DNMT3A: variants seen among roughly 807,000 people sequenced by gnomAD.
The protein encoded by DNMT3A is DNA (cytosine-5)-methyltransferase 3A.
DNMT3A carries 267 observed loss-of-function variants against 117.6 expected under a neutral mutation model. That is an observed-to-expected ratio of 2.27 (90% CI 2.05 to 2.51). DNMT3A has a LOEUF of 2.51. Among genes scored for constraint, DNMT3A ranks in the 30% most tolerant of loss-of-function variants. The pLI is 0.00. For synonymous variants in DNMT3A, 432 were observed against 474.8 expected (o/e 0.91, Z 1.17); for missense variants, 1,029 against 1,260.2 (o/e 0.82, Z 2.78).
At chr2:25,320,664 A>G (rs963945364) in intron 1 of DNMT3A, among the ~76,000 whole-genome samples, 4 of 152,186 alleles carry the variant, frequency 2.6e-5, no homozygotes, top group Non-Finnish European at 5.9e-5. Flanking sequence ...AAACGAAAAG[A>G]AACTATTACA....
At chr2:25,338,523 G>A (rs2035295046) in intron 1 of DNMT3A, among the ~76,000 whole-genome samples, 1 of 152,172 alleles carries the variant, frequency 6.6e-6, no homozygotes, top group African/African-American at 2.4e-5. Flanking sequence ...CACAGCAGCA[G>A]GGGGAAGGGA....
chr2:25,300,018 C>T (rs1177684625), intron 3 of DNMT3A, 121 bp downstream of exon 3: 3 of 964,536 alleles, frequency 3.1e-6, no homozygotes, highest in East Asian at 5.8e-5. Flanking sequence ...GAGGGGTATA[C>T]CCCATCACCT....
chr2:25,302,476 G>A (rs370847823), intron 2 of DNMT3A, among the ~76,000 whole-genome samples: 24 of 152,344 alleles, frequency 1.6e-4, no homozygotes, highest in African/African-American at 3.8e-4. Context: ...GCCCCGTGCC[G>A]TCTGTGGAGG....
intron 6 of DNMT3A, among the ~76,000 whole-genome samples, chr2:25,253,962 CT>C (rs1675890480): frequency 6.6e-6 from 1 of 151,718 alleles, no homozygotes; most frequent in Non-Finnish European, 1.5e-5. Context: ...ATCCCAGCTA[CT>C]TGGGAGGCTG....
rs372146753 is a variant in DNMT3A at position 25,235,700 on chromosome 2, C to T, written c.2597+7G>A. On this transcript the variant is annotated splice_region_variant and intron_variant, in intron 22 of 22. Coordinates refer to ENST00000321117, the MANE Select transcript of DNMT3A (RefSeq NM_022552.5). ...ACCGCAGCCAGATGCCAGCACAACC[C>T]GGGTACCTTTCCATTTCAGTGCACC... 32 of 1,610,888 alleles carry T rather than the reference C, an allele frequency of 2.0e-5. No individual in the cohort carries two copies. The highest frequency in any genetic ancestry group is 1.5e-4 in the African/African-American group (11 of 74,848).
chr2:25,256,244 T>A (rs1478521746), intron 6 of DNMT3A, among the ~76,000 whole-genome samples: 2 of 152,118 alleles, frequency 1.3e-5, no homozygotes, highest in Non-Finnish European at 2.9e-5. Context: ...TCAATGCCAA[T>A]CAGTCAACAC....
Position 25,234,266 on chromosome 2 carries a change from GCC to G in DNMT3A, c.*11_*12del. On this transcript the variant is annotated 3_prime_UTR_variant, in exon 23 of 23. Transcript: ENST00000321117. The surrounding 1 kb of genome is among the most constrained non-coding windows in gnomAD (Gnocchi z 4.5). ...TAACTTTGTGTCGCTACCTCAGTTTGCCCCCATGTCCCTTACACACACGCAAA... is the reference window on the plus strand; with the variant it reads ...TAACTTTGTGTCGCTACCTCAGTTTGCCCATGTCCCTTACACACACGCAAA... 1 of 1,595,618 alleles carries G rather than the reference GCC, an allele frequency of 6.3e-7. No homozygotes were observed. The highest frequency in any genetic ancestry group is 8.6e-7 in the Non-Finnish European group (1 of 1,168,998).
intron 6 of DNMT3A, among the ~76,000 whole-genome samples, chr2:25,273,864 T>A (rs1313253799): frequency 6.6e-6 from 1 of 152,220 alleles, no homozygotes; most frequent in African/African-American, 2.4e-5. Context: ...GACACCGCTC[T>A]GTACTGCTTT....
chr2:25,277,879 C>T (rs975016417), intron 4 of DNMT3A, among the ~76,000 whole-genome samples: 1 of 151,938 alleles, frequency 6.6e-6, no homozygotes, highest in African/African-American at 2.4e-5. Flanking sequence ...ATGTGACCCC[C>T]TTCCTAATTT....
intron 1 of DNMT3A, among the ~76,000 whole-genome samples, chr2:25,324,682 G>A (rs1330963768): frequency 1.3e-5 from 2 of 152,166 alleles, no homozygotes; most frequent in Non-Finnish European, 2.9e-5. Context: ...CCTCCTAGAC[G>A]GAGATGTCTA....
intron 3 of DNMT3A, among the ~76,000 whole-genome samples, chr2:25,289,740 C>T (rs1448391336): frequency 6.6e-6 from 1 of 152,202 alleles, no homozygotes; most frequent in Non-Finnish European, 1.5e-5. Context: ...CTGGCCCTCC[C>T]CTGAGCAGCG....
rs894505733 is a variant in DNMT3A, at chr2:25,279,684, T to G, written c.448+2757A>C. Among the ~76,000 whole-genome samples, 61 of 150,476 alleles carry G rather than the reference T, an allele frequency of 4.1e-4. 1 individual carries two copies. The highest frequency in any genetic ancestry group is 7.0e-4 in the Non-Finnish European group (47 of 67,464). On this transcript the variant is annotated intron_variant, in intron 4 of 22. Transcript: ENST00000321117. ...GGAGTGTACCAAGGCCAAAGTTTGT[T>G]TTTTTTTTTTGTATTTTTTTGAGAT...
At chr2:25,336,100 G>A (rs1035997730) in intron 1 of DNMT3A, among the ~76,000 whole-genome samples, 1 of 152,362 alleles carries the variant, frequency 6.6e-6, no homozygotes, top group South Asian at 2.1e-4. Flanking sequence ...TGATCAGCAA[G>A]GGAGATTTGG....
At chr2:25,341,124 TCCCCGGCCCGGCCCCGCCATCACC>T (rs2149457736) in intron 1 of DNMT3A, among the ~76,000 whole-genome samples, 1 of 139,590 alleles carries the variant, frequency 7.2e-6, no homozygotes, top group East Asian at 2.3e-4. Flanking sequence ...GGCGCGGCGC[TCCCCGGCCCGGCCCCGCCATCACC>T]CCTCGGCCCG....
rs987681258 is a variant in DNMT3A at position 25,257,899 on chromosome 2, G to A, written c.640-9647C>T. On this transcript the variant is annotated intron_variant, in intron 6 of 22. Transcript: ENST00000321117. The surrounding 1 kb of genome is among the most constrained non-coding windows in gnomAD (Gnocchi z 4.8). ...AGAACACTGAGGCCTAGAGAGGCCC[G>A]AGCCCACCTGAAAGGTCAGAGCAAT... is the stretch of plus-strand genomic sequence containing the variant. Among the ~76,000 whole-genome samples, 1 of 152,172 alleles carries A rather than the reference G, an allele frequency of 6.6e-6. No individual in the cohort carries two copies. Among genetic ancestry groups the A allele is most frequent in the Non-Finnish European group, 1.5e-5 (1 of 68,028 alleles).
Position 25,241,590 on chromosome 2 carries a change from C to CCGA in DNMT3A, c.2051_2053dup (p.Val684dup). 6.2e-7 allele frequency: 1 copy of CCGA among 1,613,030 alleles called. No homozygotes were observed. Among genetic ancestry groups the CCGA allele is most frequent in the Non-Finnish European group, 8.5e-7 (1 of 1,179,572 alleles). On this transcript the variant is annotated inframe_insertion, in exon 17 of 23. Transcript: ENST00000321117. Reference sequence around the variant, plus strand: ...CTTCTGTGTGACGCTGCGGACGTCCCCGACGTACATGATCTTCCCCTGGTG... The same window carrying CCGA: ...CTTCTGTGTGACGCTGCGGACGTCCCCGACGACGTACATGATCTTCCCCTGGTG...
intron 20 of DNMT3A, 86 bp downstream of exon 20, chr2:25,239,044 G>GGC: frequency 8.4e-7 from 1 of 1,187,482 alleles, no homozygotes; most frequent in Non-Finnish European, 1.2e-6. Flanking sequence ...GGCCAGAGAG[G>GGC]GCCCGGCTCA....
intron 1 of DNMT3A, chr2:25,314,577 A>AC: frequency 1.0e-6 from 1 of 974,404 alleles, no homozygotes; most frequent in East Asian, 1.2e-4. Context: ...ATCTGTCCTC[A>AC]CCCCCACCCC....
chr2:25,250,562 A>G (rs1429197807), intron 6 of DNMT3A, among the ~76,000 whole-genome samples: 1 of 152,100 alleles, frequency 6.6e-6, no homozygotes, highest in Non-Finnish European at 1.5e-5. Context: ...TCAATTAGCC[A>G]TCGCCTCCTC....
Sources: allele counts gnomAD v4.1 joint callset (sites outside exome capture counted in the v4.1 genomes callset), GRCh38; gene constraint gnomAD v4.1.1; non-coding constraint Gnocchi (gnomAD v3.1); transcripts MANE v1.5; gene names NCBI Gene and HGNC (gene_info 2026-07-23, HGNC 2026-07-21).